The following WWOX variants were observed in gnomAD, a reference collection of about 807,000 sequenced individuals.
WWOX encodes WW domain-containing oxidoreductase.
Under a neutral mutation model 46.2 loss-of-function variants are expected in WWOX, and 69 were observed. The ratio of observed to expected loss-of-function variants is 1.49; its 90% CI spans 1.23 to 1.82. The LOEUF is 1.82. WWOX is among the 40% of genes most tolerant of loss of function. The pLI is 0.00. For missense variants in WWOX, 919 were observed against 542.6 expected, an observed-to-expected ratio of 1.69 and a Z score of -6.89; for synonymous variants, 359 against 202.6, an observed-to-expected ratio of 1.77 and a Z score of -6.56.
intron 8 of WWOX, among the ~76,000 whole-genome samples, chr16:78,757,697 A>G (rs933807616): frequency 4.0e-5 from 6 of 151,880 alleles, no homozygotes; most frequent in Non-Finnish European, 7.4e-5. Context: ...CATTTTATTT[A>G]TATAAATAAA....
intron 6 of WWOX, among the ~76,000 whole-genome samples, chr16:78,400,442 C>G (rs779495161): frequency 6.6e-5 from 10 of 152,168 alleles, no homozygotes; most frequent in Non-Finnish European, 1.5e-4. Flanking sequence ...ACACTGCAGT[C>G]TGGCTGTCAC....
Position 78,710,473 on chromosome 16 carries a change from C to T in WWOX, c.1056+277721C>T, listed in dbSNP as rs1169341111. On this transcript the variant is annotated intron_variant, in intron 8 of 8. Coordinates refer to ENST00000566780, the MANE Select transcript of WWOX (RefSeq NM_016373.4). ...TGATGCAATTAAAGCTAATGGATCT[C>T]ATATATATATATATATATATATATA... Among the ~76,000 whole-genome samples, 138 of 63,622 alleles carry T rather than the reference C, an allele frequency of 2.2e-3. 4 individuals carry two copies. The highest frequency in any genetic ancestry group is 7.3e-3 in the African/African-American group (131 of 17,906). The allele number at this position is 63,622 out of a possible 152,430, so 41.7% of individuals were successfully genotyped here.
intron 8 of WWOX, among the ~76,000 whole-genome samples, chr16:78,861,933 A>G (rs553746982): frequency 6.6e-6 from 1 of 152,270 alleles, no homozygotes; most frequent in East Asian, 1.9e-4. Flanking sequence ...TTTGAGAAAG[A>G]TTTGGTTGTT....
At chr16:78,908,911 G>T (rs568836881) in intron 8 of WWOX, among the ~76,000 whole-genome samples, 1 of 152,206 alleles carries the variant, frequency 6.6e-6, no homozygotes, top group African/African-American at 2.4e-5. Flanking sequence ...TCAGAATCTT[G>T]CAGCCTCCGG....
chr16:78,364,821 A>AGG (rs1225829188), intron 5 of WWOX, among the ~76,000 whole-genome samples: 3 of 152,178 alleles, frequency 2.0e-5, no homozygotes, highest in African/African-American at 7.2e-5. Flanking sequence ...GGAGAGCAGG[A>AGG]GGGAACAAGG....
At chr16:78,529,733 C>G (rs931958809) in intron 8 of WWOX, among the ~76,000 whole-genome samples, 3 of 152,120 alleles carry the variant, frequency 2.0e-5, no homozygotes, top group African/African-American at 7.2e-5. Context: ...TCCCAAAGTG[C>G]TGGGATTATA....
intron 5 of WWOX, among the ~76,000 whole-genome samples, chr16:78,320,291 T>G (rs1479871874): frequency 6.6e-6 from 1 of 152,198 alleles, no homozygotes; most frequent in Non-Finnish European, 1.5e-5. Flanking sequence ...TACCTGCATT[T>G]ACTCAACAGA....
chr16:78,664,882 A>G (rs1344511929), intron 8 of WWOX, among the ~76,000 whole-genome samples: 2 of 152,244 alleles, frequency 1.3e-5, no homozygotes, highest in African/African-American at 4.8e-5. Context: ...GAATTTGCCA[A>G]ACATGAATAG....
In WWOX at chr16:78,989,821, C is replaced by CGTGTGTGTGTGT. The variant is rs71384389; in HGVS notation, c.1057-221763_1057-221752dup. 2.3e-3 allele frequency among the ~76,000 whole-genome samples: 309 copies of CGTGTGTGTGTGT among 136,498 alleles called. 3 individuals carry two copies. Among genetic ancestry groups the CGTGTGTGTGTGT allele is most frequent in the African/African-American group, 7.7e-3 (282 of 36,470 alleles). The allele number at this position is 136,498 out of a possible 152,430, so 89.5% of individuals were successfully genotyped here. A position where few individuals can be genotyped will look rare whatever the true frequency, so the allele number is the denominator to read the frequency against. ...AAGTGAGACAGAGGTGGTGTGTGAG[C>CGTGTGTGTGTGT]GTGTGTGTGTGTGTGTGTGTGTGTG... On this transcript the variant is annotated intron_variant, in intron 8 of 8. Coordinates refer to ENST00000566780, the MANE Select transcript of WWOX (RefSeq NM_016373.4).
At chr16:79,183,733 C>T (rs1322761518) in intron 8 of WWOX, among the ~76,000 whole-genome samples, 2 of 152,192 alleles carry the variant, frequency 1.3e-5, no homozygotes, top group African/African-American at 4.8e-5. Context: ...TACTATTGCA[C>T]CCACTCTACA....
At chr16:78,187,590 G>C (rs1597327354) in intron 5 of WWOX, among the ~76,000 whole-genome samples, 1 of 152,176 alleles carries the variant, frequency 6.6e-6, no homozygotes, top group African/African-American at 2.4e-5. Context: ...TCCACACACA[G>C]AGTGAGACTC....
intron 8 of WWOX, among the ~76,000 whole-genome samples, chr16:78,725,025 G>A (rs1359279244): frequency 6.6e-6 from 1 of 152,108 alleles, no homozygotes; most frequent in African/African-American, 2.4e-5. Context: ...ATCTTGAATT[G>A]TAGCTCCCAT....
chr16:78,528,054 A>G (rs146379579), intron 8 of WWOX, among the ~76,000 whole-genome samples: 2,209 of 121,302 alleles, frequency 0.018, 49 homozygotes, highest in African/African-American at 0.054. Flanking sequence ...GCTGGAGTGC[A>G]GTGGCGTAAT....
chr16:79,174,799 C>A (rs1027113332), intron 8 of WWOX, among the ~76,000 whole-genome samples: 1 of 152,174 alleles, frequency 6.6e-6, no homozygotes, highest in Non-Finnish European at 1.5e-5. Context: ...TATTTGATAA[C>A]TTTAACAGAA....
At chr16:78,811,555 G>C (rs550557638) in intron 8 of WWOX, among the ~76,000 whole-genome samples, 16 of 150,322 alleles carry the variant, frequency 1.1e-4, no homozygotes, top group East Asian at 2.0e-4. Flanking sequence ...ATTTCTAGGA[G>C]AAACGGGGTT....
intron 7 of WWOX, among the ~76,000 whole-genome samples, chr16:78,429,927 A>G (rs938446001): frequency 1.3e-5 from 2 of 152,198 alleles, no homozygotes; most frequent in African/African-American, 4.8e-5. Flanking sequence ...CTCATAAAAA[A>G]GCCCACCATT....
At chr16:78,757,839 A>C (rs2049693678) in intron 8 of WWOX, among the ~76,000 whole-genome samples, 1 of 152,028 alleles carries the variant, frequency 6.6e-6, no homozygotes, top group African/African-American at 2.4e-5. Flanking sequence ...CTCTTCTGAC[A>C]AGTCCACCAG....
At chr16:78,215,337 G>T (rs572917312) in intron 5 of WWOX, among the ~76,000 whole-genome samples, 2 of 152,266 alleles carry the variant, frequency 1.3e-5, no homozygotes, top group African/African-American at 4.8e-5. Context: ...TAATCCCTAC[G>T]TGCCAGGTAG....
At chr16:78,390,173 T>A (rs142303277) in intron 6 of WWOX, among the ~76,000 whole-genome samples, 1 of 152,244 alleles carries the variant, frequency 6.6e-6, no homozygotes, top group Admixed American at 6.5e-5. Flanking sequence ...CCTCATAGCA[T>A]GTGAGATCTC....
Sources: gnomAD v4.1 joint callset for allele counts (sites outside exome capture counted in the v4.1 genomes callset) on GRCh38, gnomAD v4.1.1 for gene constraint, MANE v1.5 for transcripts, NCBI Gene and HGNC (gene_info 2026-07-23, HGNC 2026-07-21) for gene names.